The following OGG1 variants were observed in gnomAD, a reference collection of about 807,000 sequenced individuals.
OGG1 encodes the protein 8-oxoguanine DNA glycosylase.
A neutral mutation model predicts 42.3 loss-of-function variants in OGG1; 35 were observed. That is an observed-to-expected ratio of 0.83 (90% CI 0.63 to 1.10). The LOEUF is 1.10. Ranked by LOEUF, OGG1 falls within the 50% of genes least tolerant of loss-of-function variation. The probability of loss-of-function intolerance (pLI) is 0.00; values close to 1 mark genes in which losing one functional copy is unlikely to be tolerated. For missense variants in OGG1, 484 were observed against 446.7 expected (o/e 1.08, Z -0.75); for synonymous variants, 189 against 179.0 (o/e 1.06, Z -0.44).
chr3:9,771,619 C>T (rs2078300203), downstream of OGG1, among the ~76,000 whole-genome samples: 1 of 152,072 alleles, frequency 6.6e-6, no homozygotes, highest in Non-Finnish European at 1.5e-5. Context: ...TTCCAAATCT[C>T]AGTATCTCAG....
downstream of OGG1, chr3:9,790,010 G>A: frequency 2.6e-6 from 4 of 1,533,518 alleles, no homozygotes; most frequent in Non-Finnish European, 3.5e-6. Flanking sequence ...GGAAAACACA[G>A]AATATCTCTT....
At chr3:9,764,611 G>A (rs1007698914) in intron 7 of OGG1, among the ~76,000 whole-genome samples, 1 of 125,076 alleles carries the variant, frequency 8.0e-6, no homozygotes, top group Non-Finnish European at 1.6e-5. Flanking sequence ...TGCGCCTGGC[G>A]TTTTTGTTTT....
At position 9,754,554 on chromosome 3, in the gene OGG1, A is replaced by G. The variant is rs2077448625; in HGVS notation, c.566-150A>G. 2.5e-5 allele frequency: 20 copies of G among 798,448 alleles called. No individual in the cohort carries two copies. The South Asian group carries it at 3.1e-4, about 12-fold the overall frequency. The allele number at this position is 798,448 out of a possible 1,614,324, so 49.5% of individuals were successfully genotyped here. ...CCAGGCCTAACCCTTTCCCTTGCAC[A>G]TAAAAGTGTCCACTATCCCATAGAG... On this transcript the variant is annotated intron_variant, in intron 3 of 6. Coordinates refer to ENST00000344629, the MANE Select transcript of OGG1 (RefSeq NM_002542.6).
Position 9,750,483 on chromosome 3 carries a change from G to T in OGG1, c.137+60G>T, listed in dbSNP as rs996631445. 6.2e-6 allele frequency: 10 copies of T among 1,606,168 alleles called. No homozygotes were observed. In the African/African-American group the frequency reaches 1.2e-4, roughly 19 times the overall value. ...GACTGGCTCCTGCCGCCTCAACACT[G>T]CCTGGCATGGGGTACAAAGGAATTT... On this transcript the variant is annotated intron_variant, in intron 1 of 6. Transcript: ENST00000344629.
intron 3 of OGG1, among the ~76,000 whole-genome samples, chr3:9,752,465 C>CT (rs1382507600): frequency 6.7e-6 from 1 of 149,370 alleles, no homozygotes; most frequent in African/African-American, 2.5e-5. Flanking sequence ...GGCGCAGTGG[C>CT]TCACACCTGG....
chr3:9,766,120 C>T, exon 8 of OGG1: 1 of 1,247,312 alleles, frequency 8.0e-7, no homozygotes, highest in East Asian at 2.5e-5. Flanking sequence ...TGCAAGCCAG[C>T]TTACTAGCAC....
intron 7 of OGG1, chr3:9,763,163 C>T: frequency 6.2e-7 from 1 of 1,614,010 alleles, no homozygotes; most frequent in Non-Finnish European, 8.5e-7. Flanking sequence ...GTAGAGGTGG[C>T]CCCCACTCTC....
At position 9,754,708 on chromosome 3, in the gene OGG1, A is replaced by T; in HGVS notation, c.570A>T (p.Pro190=). The change falls in exon 4 of 7, where the codon CCA becomes CCT. Residue 190 remains proline, a synonymous_variant. Coordinates refer to ENST00000344629, the MANE Select transcript of OGG1 (RefSeq NM_002542.6). Reference sequence around the variant, plus strand: ...CCTCCTCCTCACTCCCCGCAGGGCCAGAGGTGGAGGCTCATCTCAGGAAGC... The same window carrying T: ...CCTCCTCCTCACTCCCCGCAGGGCCTGAGGTGGAGGCTCATCTCAGGAAGC... ...GFPSLQALAG[P]EVEAHLRKLG... 1 of 1,614,106 alleles carries T rather than the reference A, an allele frequency of 6.2e-7. No homozygotes were observed. The highest frequency in any genetic ancestry group is 8.5e-7 in the Non-Finnish European group (1 of 1,179,996).
intron 7 of OGG1, among the ~76,000 whole-genome samples, chr3:9,764,984 T>C (rs2078082593): frequency 1.3e-5 from 2 of 151,988 alleles, no homozygotes; most frequent in South Asian, 2.1e-4. Flanking sequence ...CCTAGCACTT[T>C]GGGAGGCCGA....
intron 7 of OGG1, chr3:9,762,943 C>A: frequency 6.2e-7 from 1 of 1,614,162 alleles, no homozygotes; most frequent in Non-Finnish European, 8.5e-7. Context: ...ATGCCCAGGT[C>A]ATGCAGGTAT....
intron 7 of OGG1, chr3:9,763,316 C>A (rs2077979305): frequency 3.4e-6 from 5 of 1,455,016 alleles, no homozygotes; most frequent in Non-Finnish European, 4.7e-6. Flanking sequence ...TCACTTGGCC[C>A]CAGCAGTTCA....
chr3:9,787,701 C>T, intron 3 of OGG1: 1 of 1,321,746 alleles, frequency 7.6e-7, no homozygotes, highest in Non-Finnish European at 9.9e-7. Context: ...CTTGAATTTA[C>T]TGCTGTCTGT....
In OGG1 at chr3:9,765,693, AAGG is replaced by A. The variant is rs1559703679; in HGVS notation, c.1049-108_1049-106del. ...TTTAAATGATTTGTCCAAAGCAGGA[AAGG>A]AGGAGGATGGGAGGGCCAAGGCAGG... is the stretch of plus-strand genomic sequence containing the variant. On this transcript the variant is annotated intron_variant, in intron 7 of 7. Coordinates refer to the OGG1 transcript ENST00000302008. 11 of 1,560,942 alleles carry A rather than the reference AAGG, an allele frequency of 7.0e-6. No homozygotes were observed. In the South Asian group the frequency reaches 1.2e-4, roughly 18 times the overall value.
intron 3 of OGG1, among the ~76,000 whole-genome samples, chr3:9,786,652 G>A (rs1033518951): frequency 1.3e-5 from 2 of 152,160 alleles, no homozygotes; most frequent in South Asian, 2.1e-4. Context: ...CCCTCCAACA[G>A]ATGCTTAGCA....
chr3:9,758,361 A>G (rs760781335), downstream of OGG1: 2 of 155,156 alleles, frequency 1.3e-5, no homozygotes, highest in Non-Finnish European at 2.9e-5. Flanking sequence ...CCCTGTGATA[A>G]CCATCTCAGT....
At position 9,750,233 on chromosome 3, in the gene OGG1, C is replaced by A. The variant is rs764615907; in HGVS notation, c.-54C>A. 18 of 1,573,422 alleles carry A rather than the reference C, an allele frequency of 1.1e-5. No homozygotes were observed. Among genetic ancestry groups the A allele is most frequent in the Non-Finnish European group, 1.5e-5 (17 of 1,161,006 alleles). ...TCTGGGCGGGGTCTTTGGGCGTCGACGAGGCCTGGTTCTGGGTAGGCGGGG... is the reference window on the plus strand; with the variant it reads ...TCTGGGCGGGGTCTTTGGGCGTCGAAGAGGCCTGGTTCTGGGTAGGCGGGG... On this transcript the variant is annotated 5_prime_UTR_variant, in exon 1 of 7. Coordinates refer to ENST00000344629, the MANE Select transcript of OGG1 (RefSeq NM_002542.6).
chr3:9,757,916 C>T (rs534985977), downstream of OGG1: 141 of 1,526,576 alleles, frequency 9.2e-5, no homozygotes, highest in East Asian at 1.8e-4. This position sits in a 1 kb window ranked among gnomAD's most constrained non-coding sequence, Gnocchi z 4.5. Context: ...GGGGCAGGGG[C>T]GCAGTGGGAT....
chr3:9,765,424 A>C (rs1292407255), intron 7 of OGG1, among the ~76,000 whole-genome samples: 2 of 152,022 alleles, frequency 1.3e-5, no homozygotes, highest in African/African-American at 4.8e-5. Flanking sequence ...TTAATATGTG[A>C]GGGGAACTTG....
chr3:9,758,964 A>G (rs1053420729), downstream of OGG1: 4 of 530,054 alleles, frequency 7.5e-6, no homozygotes, highest in African/African-American at 7.7e-5. Flanking sequence ...ATACTTGCCT[A>G]AGATTCTTCT....
Sources: allele counts gnomAD v4.1 joint callset (sites outside exome capture counted in the v4.1 genomes callset), GRCh38; gene constraint gnomAD v4.1.1; non-coding constraint Gnocchi (gnomAD v3.1); transcripts MANE v1.5; gene names NCBI Gene and HGNC (gene_info 2026-07-23, HGNC 2026-07-21).